The following ZNF420 variants were observed in gnomAD, a reference collection of about 807,000 sequenced individuals.
The protein encoded by ZNF420 is zinc finger protein 420.
ZNF420 carries 31 observed loss-of-function variants against 44.7 expected under a neutral mutation model. That is an observed-to-expected ratio of 0.69 (90% CI 0.52 to 0.94). ZNF420 has a LOEUF of 0.94. Ranked by LOEUF, ZNF420 falls within the 40% of genes least tolerant of loss-of-function variation. The probability of loss-of-function intolerance (pLI) is 0.00; values close to 1 mark genes in which losing one functional copy is unlikely to be tolerated. For missense variants in ZNF420, 681 were observed against 827.9 expected (o/e 0.82, Z 2.18); for synonymous variants, 245 against 267.4 (o/e 0.92, Z 0.82).
chr19:37,121,498 G>C (rs1029517803), intron 4 of ZNF420, among the ~76,000 whole-genome samples: 4 of 151,454 alleles, frequency 2.6e-5, no homozygotes, highest in African/African-American at 7.3e-5. Flanking sequence ...AGACTTAAAC[G>C]TTAGACCTAA....
intron 4 of ZNF420, chr19:37,111,738 G>A (rs1005830636): frequency 1.3e-5 from 2 of 152,140 alleles, no homozygotes; most frequent in Non-Finnish European, 2.9e-5. Flanking sequence ...AAACCTGGTG[G>A]CTGGTTCTTT....
intron 1 of ZNF420, among the ~76,000 whole-genome samples, chr19:37,036,390 G>A (rs1464051942): frequency 6.6e-6 from 1 of 151,978 alleles, no homozygotes; most frequent in Non-Finnish European, 1.5e-5. Flanking sequence ...AACAAAAAGG[G>A]CCTATTTCTC....
At chr19:37,056,195 G>A (rs1329622211) in intron 1 of ZNF420, among the ~76,000 whole-genome samples, 2 of 152,080 alleles carry the variant, frequency 1.3e-5, no homozygotes, top group Non-Finnish European at 2.9e-5. Context: ...GGCGTTGGAG[G>A]GGTGGGGATG....
chr19:37,016,833 A>G (rs1197004115), intron 1 of ZNF420, among the ~76,000 whole-genome samples: 2 of 152,270 alleles, frequency 1.3e-5, no homozygotes, highest in East Asian at 1.9e-4. Context: ...GCCAGGCTCT[A>G]TGGGACTTGG....
At chr19:37,032,914 G>C (rs766760924) in intron 1 of ZNF420, among the ~76,000 whole-genome samples, 1 of 152,202 alleles carries the variant, frequency 6.6e-6, no homozygotes, top group Non-Finnish European at 1.5e-5. Context: ...ATCAGGTGTG[G>C]TCGGCAAGTT....
chr19:37,125,195 C>T (rs567440721), intron 4 of ZNF420, among the ~76,000 whole-genome samples: 3 of 152,254 alleles, frequency 2.0e-5, no homozygotes, highest in Admixed American at 6.5e-5. Context: ...CCTTTCATTA[C>T]GTTATAGACC....
At chr19:37,085,936 T>TTTTA (rs113953981) in intron 2 of ZNF420, among the ~76,000 whole-genome samples, 3 of 137,758 alleles carry the variant, frequency 2.2e-5, no homozygotes, top group African/African-American at 5.4e-5. Context: ...TGGCTGATGT[T>TTTTA]TTATTATTAT....
chr19:37,039,317 A>C (rs368483328), intron 1 of ZNF420, among the ~76,000 whole-genome samples: 1 of 152,212 alleles, frequency 6.6e-6, no homozygotes, highest in South Asian at 2.1e-4. Context: ...TATAAAATAT[A>C]TTTCTCAAAT....
rs537120510 is a variant in ZNF420 at position 37,013,587 on chromosome 19, C to T, written c.-125+5505C>T. On this transcript the variant is annotated intron_variant, in intron 1 of 4. Coordinates refer to the ZNF420 transcript ENST00000587029. ...AGCTTCAGGGGACAGATGGAATCTC[C>T]GGACTCCCATTTGGATCTGATTTTG... 2.6e-5 allele frequency among the ~76,000 whole-genome samples: 4 copies of T among 152,226 alleles called. No homozygotes were observed. In the South Asian group the frequency reaches 6.2e-4, roughly 24 times the overall value.
chr19:37,104,705 G>A (rs1399456276), intron 4 of ZNF420, among the ~76,000 whole-genome samples: 1 of 152,190 alleles, frequency 6.6e-6, no homozygotes, highest in Non-Finnish European at 1.5e-5. Context: ...GTATCTCATT[G>A]TGGTTTTGAT....
chr19:37,013,346 G>A (rs1310607170), intron 1 of ZNF420, among the ~76,000 whole-genome samples: 1 of 152,152 alleles, frequency 6.6e-6, no homozygotes, highest in Non-Finnish European at 1.5e-5. Context: ...GCGTGTGCAG[G>A]TTCTCACGTC....
chr19:37,110,189 A>G (rs903617777), intron 4 of ZNF420, among the ~76,000 whole-genome samples: 8 of 152,238 alleles, frequency 5.3e-5, no homozygotes, highest in African/African-American at 1.9e-4. Flanking sequence ...AATGTGAGTA[A>G]GTATCAACTG....
At chr19:37,101,829 C>T (rs1969794921) in intron 4 of ZNF420, among the ~76,000 whole-genome samples, 1 of 152,210 alleles carries the variant, frequency 6.6e-6, no homozygotes, top group South Asian at 2.1e-4. Flanking sequence ...GGTCCTTGCA[C>T]AGGCAAGATA....
intron 1 of ZNF420, among the ~76,000 whole-genome samples, chr19:37,032,506 A>AC (rs1967280073): frequency 8.0e-6 from 1 of 125,202 alleles, no homozygotes; most frequent in African/African-American, 3.3e-5. Flanking sequence ...TCGGTCTTTA[A>AC]GAAAAAAAAA....
At chr19:37,019,026 C>A (rs2435066) in intron 1 of ZNF420, among the ~76,000 whole-genome samples, 3,676 of 151,708 alleles carry the variant, frequency 0.024, 161 homozygotes, top group African/African-American at 0.083. Context: ...AGTTGAAATT[C>A]ATGAAAAGTA....
chr19:37,128,564 C>G lies in ZNF420; in HGVS notation c.1573C>G (p.His525Asp). The change falls in exon 5 of 5, where the codon CAC becomes GAC. Residue 525 changes from histidine to aspartate, a missense_variant. Physicochemically the swap from His to Asp is moderately conservative, Grantham distance 81. This residue lies in a region of ZNF420 where 280 missense variants were observed against 338.6 expected (regional missense o/e 0.83). Coordinates refer to ENST00000337995, the MANE Select transcript of ZNF420 (RefSeq NM_144689.5). Reference protein sequence around the residue: ...SSHLSQHQRLHTGEKPYVCNE... With the variant: ...SSHLSQHQRLDTGEKPYVCNE... The stretch of plus-strand genomic sequence containing the variant: ...ACATCTTTCCCAACATCAAAGACTT[C>G]ACACTGGTGAGAAACCCTATGTGTG... 6.2e-7 allele frequency: 1 copy of G among 1,613,808 alleles called. No individual in the cohort carries two copies. The highest frequency in any genetic ancestry group is 8.5e-7 in the Non-Finnish European group (1 of 1,179,922).
At chr19:37,095,630 T>C (rs1419554427) in intron 4 of ZNF420, among the ~76,000 whole-genome samples, 5 of 152,084 alleles carry the variant, frequency 3.3e-5, no homozygotes, top group Non-Finnish European at 5.9e-5. Flanking sequence ...TGGGGTCTCA[T>C]TCTTGTTGCC....
intron 2 of ZNF420, among the ~76,000 whole-genome samples, chr19:37,085,472 G>A (rs1321401575): frequency 6.6e-6 from 1 of 152,200 alleles, no homozygotes; most frequent in African/African-American, 2.4e-5. Context: ...GCCACACAGG[G>A]GAAAGGTGGC....
intron 1 of ZNF420, among the ~76,000 whole-genome samples, chr19:37,061,785 A>T (rs1423036821): frequency 6.6e-6 from 1 of 152,206 alleles, no homozygotes; most frequent in Admixed American, 6.5e-5. Context: ...TGAGGCATCC[A>T]CATATCCCAT....
Sources: allele counts gnomAD v4.1 joint callset (sites outside exome capture counted in the v4.1 genomes callset), GRCh38; gene constraint gnomAD v4.1.1; regional missense constraint gnomAD v4.1.1; transcripts MANE v1.5; gene names NCBI Gene and HGNC (gene_info 2026-07-23, HGNC 2026-07-21).